SYN3: variants seen among roughly 807,000 people sequenced by gnomAD.
SYN3 encodes the protein synapsin III.
Under a neutral mutation model 65.8 loss-of-function variants are expected in SYN3, and 35 were observed. The ratio of observed to expected loss-of-function variants is 0.53; its 90% CI spans 0.41 to 0.70. The LOEUF is 0.70. Ranked by LOEUF, SYN3 falls within the 30% of genes least tolerant of loss-of-function variation. SYN3 has a pLI of 0.00. For missense variants in SYN3, 680 were observed against 749.0 expected, an observed-to-expected ratio of 0.91 and a Z score of 1.08; for synonymous variants, 270 against 292.9, an observed-to-expected ratio of 0.92 and a Z score of 0.80.
intron 6 of SYN3, among the ~76,000 whole-genome samples, chr22:32,702,996 T>C (rs941178610): frequency 3.9e-5 from 6 of 152,190 alleles, no homozygotes; most frequent in African/African-American, 1.4e-4. Context: ...TAATTAGAAA[T>C]CAAATATTAG....
intron 6 of SYN3, among the ~76,000 whole-genome samples, chr22:32,615,432 T>TAAAAAAAAAAAA (rs1190319833): frequency 1.1e-4 from 8 of 74,374 alleles, no homozygotes; most frequent in Non-Finnish European, 1.4e-4. Context: ...AGACTTCATC[T>TAAAAAAAAAAAA]AAAAAAAAAA....
At chr22:32,541,755 G>A (rs1339512786) in intron 7 of SYN3, 42 bp from the exon 8 acceptor site, 10 of 1,594,504 alleles carry the variant, frequency 6.3e-6, no homozygotes, top group Admixed American at 3.5e-5. Flanking sequence ...CCCACCCCGT[G>A]TTCACTGAGC....
At chr22:32,748,881 G>T (rs34059239) in intron 6 of SYN3, among the ~76,000 whole-genome samples, 1 of 152,148 alleles carries the variant, frequency 6.6e-6, no homozygotes, top group Non-Finnish European at 1.5e-5. Context: ...CACGGTTCTG[G>T]CTTAGCTAGT....
At chr22:32,986,260 T>C (rs548103367) in intron 2 of SYN3, among the ~76,000 whole-genome samples, 2 of 152,246 alleles carry the variant, frequency 1.3e-5, no homozygotes, top group East Asian at 1.9e-4. Context: ...GCCACTGCGA[T>C]GTGGGGGTGT....
chr22:32,572,407 CTGT>C (rs1275088299), intron 7 of SYN3, among the ~76,000 whole-genome samples: 165 of 10,026 alleles, frequency 0.016, no homozygotes, highest in East Asian at 0.026. Flanking sequence ...TCCCTCCCTC[CTGT>C]CTTTCCTTCC....
chr22:33,013,665 G>A (rs2053403218), intron 1 of SYN3, among the ~76,000 whole-genome samples: 2 of 152,044 alleles, frequency 1.3e-5, no homozygotes, highest in Admixed American at 1.3e-4. Flanking sequence ...AAGATCACAA[G>A]GGCTTATCTC....
intron 7 of SYN3, among the ~76,000 whole-genome samples, chr22:32,564,278 T>C (rs1480891472): frequency 4.6e-5 from 7 of 152,176 alleles, no homozygotes; most frequent in Admixed American, 4.6e-4. Flanking sequence ...CCTGCCCTGC[T>C]ACAGATGAAG....
At chr22:32,982,092 T>C (rs2052389801) in intron 2 of SYN3, among the ~76,000 whole-genome samples, 1 of 152,242 alleles carries the variant, frequency 6.6e-6, no homozygotes, top group South Asian at 2.1e-4. Flanking sequence ...AAAAATGTTA[T>C]GGCATTTTAA....
intron 4 of SYN3, among the ~76,000 whole-genome samples, chr22:32,914,700 C>T (rs897280808): frequency 6.6e-6 from 1 of 152,068 alleles, no homozygotes; most frequent in Non-Finnish European, 1.5e-5. Context: ...CCTCGGCCTC[C>T]CAAAGTGCTG....
At chr22:32,592,396 A>T (rs539568770) in intron 7 of SYN3, among the ~76,000 whole-genome samples, 2 of 152,354 alleles carry the variant, frequency 1.3e-5, no homozygotes. Context: ...TGGTATCCCC[A>T]TGAATACGGA....
chr22:32,938,628 T>G (rs11089597), intron 3 of SYN3, among the ~76,000 whole-genome samples: 8,121 of 151,230 alleles, frequency 0.054, 706 homozygotes, highest in African/African-American at 0.18. Context: ...AAATTATCTT[T>G]TAAAAGTGAA....
intron 6 of SYN3, among the ~76,000 whole-genome samples, chr22:32,654,326 CAT>C (rs1305382683): frequency 6.6e-6 from 1 of 152,232 alleles, no homozygotes; most frequent in Admixed American, 6.5e-5. Context: ...CACTCTGCCA[CAT>C]GTGTCTTCTC....
chr22:33,004,674 T>C (rs1319530162), intron 2 of SYN3, among the ~76,000 whole-genome samples: 1 of 152,240 alleles, frequency 6.6e-6, no homozygotes, highest in Non-Finnish European at 1.5e-5. Context: ...ATCTAGGAAG[T>C]AACTAACTTG....
At chr22:32,739,140 G>C (rs775318230) in intron 6 of SYN3, among the ~76,000 whole-genome samples, 5 of 151,504 alleles carry the variant, frequency 3.3e-5, no homozygotes, top group African/African-American at 4.8e-5. Flanking sequence ...CCCATGTGTT[G>C]TGGAAGAGAC....
At chr22:32,704,937 T>C (rs1377431511) in intron 6 of SYN3, among the ~76,000 whole-genome samples, 3 of 152,352 alleles carry the variant, frequency 2.0e-5, no homozygotes, top group African/African-American at 7.2e-5. Context: ...AAGTTCCTTA[T>C]AGATGCTGGA....
chr22:33,034,449 T>C (rs1020202942), intron 1 of SYN3, among the ~76,000 whole-genome samples: 5 of 151,896 alleles, frequency 3.3e-5, no homozygotes, highest in Non-Finnish European at 7.4e-5. Context: ...GGTTTCACGA[T>C]GTTGGCCAGG....
At chr22:32,595,373 C>A (rs5754163) in intron 7 of SYN3, among the ~76,000 whole-genome samples, 12,693 of 152,218 alleles carry the variant, frequency 0.083, 929 homozygotes, top group East Asian at 0.38. Flanking sequence ...CATTTGAACT[C>A]CTGGATCCAG....
chr22:33,008,597 A>C (rs2053257685), intron 1 of SYN3, among the ~76,000 whole-genome samples: 1 of 152,054 alleles, frequency 6.6e-6, no homozygotes. Flanking sequence ...TAAACCACAA[A>C]TTGCTACTCC....
chr22:32,999,733 G>A (rs133936), intron 2 of SYN3, among the ~76,000 whole-genome samples: 65,575 of 151,876 alleles, frequency 0.43, 14,375 homozygotes, highest in Middle Eastern at 0.49. Flanking sequence ...AGCACAGGAA[G>A]CAGAGCTGGA....
Sources: gnomAD v4.1 joint callset for allele counts (sites outside exome capture counted in the v4.1 genomes callset) on GRCh38, gnomAD v4.1.1 for gene constraint, MANE v1.5 for transcripts, NCBI Gene and HGNC (gene_info 2026-07-23, HGNC 2026-07-21) for gene names.